The following GABRG3 variants were observed in gnomAD, a reference collection of about 807,000 sequenced individuals.
GABRG3 encodes gamma-aminobutyric acid type A receptor subunit gamma3.
Under a neutral mutation model 48.8 loss-of-function variants are expected in GABRG3, and 25 were observed. The ratio of observed to expected loss-of-function variants is 0.51; its 90% CI spans 0.37 to 0.72. The LOEUF is 0.72. Among genes scored for constraint, GABRG3 ranks in the 30% least tolerant of loss-of-function variants. The pLI, the probability that GABRG3 is intolerant of heterozygous loss-of-function variation, is 0.00. For synonymous variants in GABRG3, 227 were observed against 217.6 expected (o/e 1.04, Z -0.38); for missense variants, 394 against 577.9 (o/e 0.68, Z 3.26).
At chr15:27,515,004 C>T (rs1890984426) in intron 6 of GABRG3, among the ~76,000 whole-genome samples, 1 of 152,130 alleles carries the variant, frequency 6.6e-6, no homozygotes, top group Admixed American at 6.5e-5. Context: ...AAGAATGACA[C>T]AAATGGTATG....
chr15:27,013,555 T>C (rs1305478726), intron 2 of GABRG3, among the ~76,000 whole-genome samples: 1 of 152,122 alleles, frequency 6.6e-6, no homozygotes, highest in Non-Finnish European at 1.5e-5. Context: ...ATATGATATA[T>C]AGTAAGAGTG....
At position 27,527,427 on chromosome 15, in the gene GABRG3, G is replaced by C. The variant is rs780651677; in HGVS notation, c.866-6G>C. 4 of 1,612,402 alleles carry C rather than the reference G, an allele frequency of 2.5e-6. No individual in the cohort carries two copies. Among genetic ancestry groups the C allele is most frequent in the Non-Finnish European group, 3.4e-6 (4 of 1,179,234 alleles). On this transcript the variant is annotated splice_polypyrimidine_tract_variant and splice_region_variant and intron_variant, in intron 7 of 9. Coordinates refer to ENST00000615808, the MANE Select transcript of GABRG3 (RefSeq NM_033223.5). ...TTTTACAACATGCTACCCGTCCCCT[G>C]TTCAGGCATCACCACGGTGCTGACC...
chr15:27,458,913 C>A (rs759228471), intron 5 of GABRG3, among the ~76,000 whole-genome samples: 2 of 152,206 alleles, frequency 1.3e-5, no homozygotes, highest in African/African-American at 2.4e-5. Flanking sequence ...GCCCATTGGT[C>A]AGTGTCTCTG....
At chr15:27,300,803 C>T (rs1892179453) in intron 3 of GABRG3, among the ~76,000 whole-genome samples, 1 of 149,156 alleles carries the variant, frequency 6.7e-6, no homozygotes, top group Admixed American at 6.7e-5. Flanking sequence ...GAAATAACTA[C>T]AAAAACTTGT....
intron 3 of GABRG3, among the ~76,000 whole-genome samples, chr15:27,028,625 T>C (rs886596740): frequency 2.0e-5 from 3 of 151,912 alleles, no homozygotes; most frequent in Middle Eastern, 3.2e-3. Flanking sequence ...GTCAACGTGA[T>C]GAAACCCTGA....
intron 3 of GABRG3, among the ~76,000 whole-genome samples, chr15:27,267,327 G>C (rs1445069799): frequency 6.6e-6 from 1 of 151,880 alleles, no homozygotes; most frequent in Non-Finnish European, 1.5e-5. Context: ...GGCTGGTCAC[G>C]AACTGCCAAC....
chr15:27,287,192 T>C (rs1015191305), intron 3 of GABRG3, among the ~76,000 whole-genome samples: 3 of 152,182 alleles, frequency 2.0e-5, no homozygotes, highest in Non-Finnish European at 2.9e-5. Context: ...TGCACCCCTG[T>C]TGCTTACATA....
At position 27,019,225 on chromosome 15, in the gene GABRG3, C is replaced by T. The variant is rs60161396; in HGVS notation, c.203-7529C>T. ...CTGGGACTACAGGCGCCCGCCACCACGCCTGGCTAATTTTTTTTGTATTTT... is the reference window on the plus strand; with the variant it reads ...CTGGGACTACAGGCGCCCGCCACCATGCCTGGCTAATTTTTTTTGTATTTT... On this transcript the variant is annotated intron_variant, in intron 2 of 9. Coordinates refer to ENST00000615808, the MANE Select transcript of GABRG3 (RefSeq NM_033223.5). Among the ~76,000 whole-genome samples the T allele has an allele frequency of 9.8e-3, 1,495 of 151,928 alleles. 29 individuals are homozygous for T. The highest frequency in any genetic ancestry group is 0.033 in the African/African-American group (1,366 of 41,422).
chr15:27,058,614 C>T (rs767682971), intron 3 of GABRG3, among the ~76,000 whole-genome samples: 7 of 151,628 alleles, frequency 4.6e-5, no homozygotes, highest in Non-Finnish European at 8.8e-5. Context: ...TTTGTTGCAA[C>T]CTGTGAAAGT....
At chr15:27,225,287 C>T (rs1341755797) in intron 3 of GABRG3, among the ~76,000 whole-genome samples, 6 of 152,186 alleles carry the variant, frequency 3.9e-5, no homozygotes, top group Admixed American at 6.5e-5. Context: ...CAGTTGCCTT[C>T]GCTTCCCAGA....
intron 6 of GABRG3, among the ~76,000 whole-genome samples, chr15:27,484,134 C>G (rs1890164698): frequency 6.6e-6 from 1 of 152,120 alleles, no homozygotes; most frequent in South Asian, 2.1e-4. Flanking sequence ...CGCAGTTTCG[C>G]CATGTTGGCC....
chr15:27,367,620 T>C (rs1422440437), intron 5 of GABRG3, among the ~76,000 whole-genome samples: 1 of 152,156 alleles, frequency 6.6e-6, no homozygotes, highest in Non-Finnish European at 1.5e-5. Context: ...TCAAACAACC[T>C]TTGAAATCTT....
intron 3 of GABRG3, among the ~76,000 whole-genome samples, chr15:27,103,316 G>A (rs1352182653): frequency 6.6e-6 from 1 of 152,284 alleles, no homozygotes; most frequent in East Asian, 1.9e-4. Context: ...ACCCTTTGCA[G>A]TTGGAGGCTC....
chr15:27,137,742 A>G (rs1170701078), intron 3 of GABRG3, among the ~76,000 whole-genome samples: 1 of 152,184 alleles, frequency 6.6e-6, no homozygotes, highest in African/African-American at 2.4e-5. Flanking sequence ...CATCCAAGGC[A>G]CATGTGGTTT....
In GABRG3 at chr15:27,115,528, G is replaced by A. The variant is rs190849408; in HGVS notation, c.270+88707G>A. ...ATAAACAATGCTGAAAAGTTGGTAC[G>A]AATCCCCCAAAACTCCTTGGATCTG... On this transcript the variant is annotated intron_variant, in intron 3 of 9. Transcript: ENST00000615808. Among the ~76,000 whole-genome samples the A allele has an allele frequency of 1.4e-4, 22 of 152,250 alleles. No individual in the cohort carries two copies. The East Asian group carries it at 3.5e-3, about 24-fold the overall frequency.
chr15:27,221,361 T>C (rs1279115043), intron 3 of GABRG3, among the ~76,000 whole-genome samples: 1 of 152,164 alleles, frequency 6.6e-6, no homozygotes, highest in African/African-American at 2.4e-5. Context: ...TTTATGTTAC[T>C]GTACTTTCTA....
At chr15:27,284,568 T>C (rs1566993550) in intron 3 of GABRG3, among the ~76,000 whole-genome samples, 1 of 152,158 alleles carries the variant, frequency 6.6e-6, no homozygotes, top group Non-Finnish European at 1.5e-5. Flanking sequence ...CACCCCTTTT[T>C]TATTGTTGAA....
intron 2 of GABRG3, among the ~76,000 whole-genome samples, chr15:26,985,271 C>A (rs966535831): frequency 3.9e-5 from 6 of 152,094 alleles, no homozygotes; most frequent in African/African-American, 1.4e-4. Flanking sequence ...GACATGACAC[C>A]GGGCACTGAC....
At chr15:27,428,812 CAAG>C (rs1888367246) in intron 5 of GABRG3, among the ~76,000 whole-genome samples, 1 of 152,062 alleles carries the variant, frequency 6.6e-6, no homozygotes. Flanking sequence ...CACAAACAAA[CAAG>C]AATCTGGAGC....
Sources: gnomAD v4.1 joint callset for allele counts (sites outside exome capture counted in the v4.1 genomes callset) on GRCh38, gnomAD v4.1.1 for gene constraint, MANE v1.5 for transcripts, NCBI Gene and HGNC (gene_info 2026-07-23, HGNC 2026-07-21) for gene names.